Variants in PTPRQ observed in about 807,000 individuals in gnomAD.
The protein encoded by PTPRQ is phosphatidylinositol phosphatase PTPRQ.
PTPRQ carries 199 observed loss-of-function variants against 246.0 expected under a neutral mutation model. The ratio of observed to expected loss-of-function variants is 0.81; its 90% CI spans 0.72 to 0.91. The LOEUF (loss-of-function observed/expected upper bound fraction) is 0.91, where lower values mean the gene tolerates loss of function less well. Ranked by LOEUF, PTPRQ falls within the 40% of genes least tolerant of loss-of-function variation. The pLI, the probability that PTPRQ is intolerant of heterozygous loss-of-function variation, is 0.00. For missense variants in PTPRQ, 2,624 were observed against 2,528.4 expected, an observed-to-expected ratio of 1.04 and a Z score of -0.81; for synonymous variants, 869 against 853.2, an observed-to-expected ratio of 1.02 and a Z score of -0.32.
intron 27 of PTPRQ, among the ~76,000 whole-genome samples, chr12:80,609,353 C>A (rs1329604241): frequency 1.3e-5 from 2 of 150,348 alleles, no homozygotes; most frequent in African/African-American, 2.4e-5. Flanking sequence ...ACCAACCAAC[C>A]AAACAAAAAA....
intron 6 of PTPRQ, among the ~76,000 whole-genome samples, chr12:80,468,331 A>C (rs930103807): frequency 6.6e-6 from 1 of 152,176 alleles, no homozygotes; most frequent in Non-Finnish European, 1.5e-5. Flanking sequence ...AATGTTTATC[A>C]AGCCAGATAT....
At chr12:80,669,730 G>T (rs1474037952) in intron 41 of PTPRQ, among the ~76,000 whole-genome samples, 1 of 151,936 alleles carries the variant, frequency 6.6e-6, no homozygotes, top group African/African-American at 2.4e-5. Flanking sequence ...AAAAAGGAGA[G>T]AAAATGATGA....
intron 25 of PTPRQ, among the ~76,000 whole-genome samples, chr12:80,556,513 C>T (rs1236767097): frequency 2.6e-5 from 4 of 152,066 alleles, no homozygotes; most frequent in African/African-American, 7.2e-5. Flanking sequence ...CCTTGAATTT[C>T]GTAGACAAGT....
At chr12:80,643,352 C>A (rs989053322) in intron 35 of PTPRQ, among the ~76,000 whole-genome samples, 5 of 151,488 alleles carry the variant, frequency 3.3e-5, no homozygotes, top group African/African-American at 2.4e-5. Context: ...GCAGGAGAAT[C>A]GCTTGAACCC....
chr12:80,677,726 T>C (rs1229545845), intron 43 of PTPRQ, among the ~76,000 whole-genome samples: 1 of 152,194 alleles, frequency 6.6e-6, no homozygotes, highest in South Asian at 2.1e-4. Flanking sequence ...CCAAAAGGTT[T>C]TGAGGTACAG....
At chr12:80,471,369 A>G (rs1893619296) in intron 7 of PTPRQ, among the ~76,000 whole-genome samples, 1 of 151,934 alleles carries the variant, frequency 6.6e-6, no homozygotes, top group African/African-American at 2.4e-5. Context: ...GCAAAGTCGA[A>G]GATTTAAAGT....
chr12:80,451,340 C>A (rs1347542192), intron 3 of PTPRQ, among the ~76,000 whole-genome samples: 2 of 119,742 alleles, frequency 1.7e-5, no homozygotes, highest in Non-Finnish European at 1.7e-5. Flanking sequence ...CTCCTGGATT[C>A]ATTAATTTTT....
At chr12:80,671,899 T>A (rs1900982424) in intron 42 of PTPRQ, among the ~76,000 whole-genome samples, 1 of 151,972 alleles carries the variant, frequency 6.6e-6, no homozygotes, top group Non-Finnish European at 1.5e-5. Context: ...CTCACTGTAC[T>A]CTCACCTCCC....
intron 25 of PTPRQ, among the ~76,000 whole-genome samples, chr12:80,554,699 C>A (rs542744329): frequency 6.6e-6 from 1 of 152,252 alleles, no homozygotes; most frequent in East Asian, 1.9e-4. Flanking sequence ...ATTAATGCTA[C>A]AATATGATTG....
rs567962201 is a variant in PTPRQ at position 80,581,481 on chromosome 12, C to T, written c.4286-6648C>T. ...CGCAACTCCATCTCTACAAAAAGTACGAAATTAGTTGGGTGTGATGGCACA... is the reference window on the plus strand; with the variant it reads ...CGCAACTCCATCTCTACAAAAAGTATGAAATTAGTTGGGTGTGATGGCACA... On this transcript the variant is annotated intron_variant, in intron 25 of 44. Coordinates refer to ENST00000644991, the MANE Select transcript of PTPRQ (RefSeq NM_001145026.2). Among the ~76,000 whole-genome samples the T allele has an allele frequency of 9.2e-5, 14 of 151,928 alleles. No homozygotes were observed. The South Asian group carries it at 1.2e-3, about 14-fold the overall frequency.
Position 80,495,019 on chromosome 12 carries a change from A to G in PTPRQ, c.1627A>G (p.Met543Val), listed in dbSNP as rs962839707. The G allele has an allele frequency of 6.6e-5, 102 of 1,550,466 alleles. No individual in the cohort carries two copies. The highest frequency in any genetic ancestry group is 8.3e-5 in the Non-Finnish European group (95 of 1,146,254). Reference sequence around the variant, plus strand: ...GAGACTTGTACCTTTCACTGAGCACATGATTAGTGTATCTGCTTTCACCAT... The same window carrying G: ...GAGACTTGTACCTTTCACTGAGCACGTGATTAGTGTATCTGCTTTCACCAT... Reference protein sequence around the residue: ...IRRLVPFTEHMISVSAFTIMG... With the variant: ...IRRLVPFTEHVISVSAFTIMG... Residue 543 changes from methionine (M) to valine (V), a missense_variant, in exon 11 of 45, where the codon ATG (methionine) becomes GTG (valine). Physicochemically the swap from Met to Val is conservative, Grantham distance 21. Transcript: ENST00000644991.
chr12:80,465,224 C>G (rs1214102561), intron 6 of PTPRQ: 1 of 151,888 alleles, frequency 6.6e-6, no homozygotes, highest in African/African-American at 2.4e-5. Context: ...ATACTACAAA[C>G]ACCTCTATGC....
intron 17 of PTPRQ, among the ~76,000 whole-genome samples, chr12:80,532,341 G>A (rs1403793679): frequency 6.6e-6 from 1 of 151,962 alleles, no homozygotes; most frequent in Admixed American, 6.6e-5. Flanking sequence ...TCGTGCCTCA[G>A]CCTCCTGAAA....
chr12:80,575,858 GA>G (rs1383158305), intron 25 of PTPRQ, among the ~76,000 whole-genome samples: 58 of 139,654 alleles, frequency 4.2e-4, no homozygotes, highest in African/African-American at 1.4e-3. Context: ...AAAAAAAAAA[GA>G]AAAAAGAAAA....
chr12:80,524,555 G>T (rs971712760), intron 17 of PTPRQ, among the ~76,000 whole-genome samples: 1 of 152,114 alleles, frequency 6.6e-6, no homozygotes, highest in Non-Finnish European at 1.5e-5. Context: ...ACAGTAAGTG[G>T]TGGGGGATAT....
chr12:80,488,582 G>A (rs563487037), intron 9 of PTPRQ, among the ~76,000 whole-genome samples: 1 of 152,002 alleles, frequency 6.6e-6, no homozygotes, highest in Admixed American at 6.6e-5. Flanking sequence ...ACTGAAAACA[G>A]GAGTGGTTTA....
Position 80,527,487 on chromosome 12 carries a change from C to T in PTPRQ, c.2679-6528C>T, listed in dbSNP as rs1016083092. Among the ~76,000 whole-genome samples, 5 of 151,898 alleles carry T rather than the reference C, an allele frequency of 3.3e-5. No homozygotes were observed. In the South Asian group the frequency reaches 8.3e-4, roughly 25 times the overall value. Reference sequence around the variant, plus strand: ...AGTTCTCAAGCAGACAGGGAAGAAACATGAATAATTATTCCCATATTATCA... The same window carrying T: ...AGTTCTCAAGCAGACAGGGAAGAAATATGAATAATTATTCCCATATTATCA... On this transcript the variant is annotated intron_variant, in intron 17 of 44. Coordinates refer to ENST00000644991, the MANE Select transcript of PTPRQ (RefSeq NM_001145026.2).
intron 27 of PTPRQ, among the ~76,000 whole-genome samples, chr12:80,607,132 T>A (rs1191046380): frequency 1.3e-5 from 2 of 150,920 alleles, no homozygotes; most frequent in Non-Finnish European, 1.5e-5. Flanking sequence ...CTATTCATTA[T>A]CTTATTATAT....
intron 9 of PTPRQ, among the ~76,000 whole-genome samples, chr12:80,491,802 T>G (rs1052244306): frequency 2.6e-5 from 4 of 151,878 alleles, no homozygotes; most frequent in African/African-American, 7.2e-5. Context: ...ATTAAGTGCT[T>G]TGATATTCCT....
Sources: allele counts gnomAD v4.1 joint callset (sites outside exome capture counted in the v4.1 genomes callset), GRCh38; gene constraint gnomAD v4.1.1; transcripts MANE v1.5; gene names NCBI Gene and HGNC (gene_info 2026-07-23, HGNC 2026-07-21).